Variants in TJP3 observed in about 807,000 individuals in gnomAD.
The protein encoded by TJP3 is tight junction protein ZO-3.
In TJP3, 85 loss-of-function variants were observed where a neutral mutation model predicts 104.2. The observed-to-expected ratio is 0.82, with a 90% CI of 0.68 to 0.98. The LOEUF is 0.98. Ranked by LOEUF, TJP3 falls within the 50% of genes least tolerant of loss-of-function variation. The pLI is 0.00. For missense variants in TJP3, 1,367 were observed against 1,322.8 expected (o/e 1.03, Z -0.52); for synonymous variants, 550 against 550.6 (o/e 1.00, Z 0.02).
Position 3,748,008 on chromosome 19 carries a change from C to T in TJP3, c.2537C>T (p.Ser846Leu), listed in dbSNP as rs747055951. 9.3e-6 allele frequency: 15 copies of T among 1,608,218 alleles called. No individual in the cohort carries two copies. The highest frequency in any genetic ancestry group is 1.3e-5 in the African/African-American group (1 of 74,840). ...CCGGCTCCAGCCCTGGCCCGGTCCT[C>T]GGAGCCCGTGCAGGCAGATGAGTCC... ...EPPAPALARS[S>L]EPVQADESQS... The change falls in exon 19 of 21, where the codon TCG (serine) becomes TTG (leucine). Residue 846 changes from serine (S) to leucine (L), a missense_variant. Transcript: ENST00000541714.
chr19:3,728,005 C>T (rs928022000), intron 1 of TJP3, among the ~76,000 whole-genome samples: 4 of 151,734 alleles, frequency 2.6e-5, no homozygotes, highest in Non-Finnish European at 4.4e-5. Flanking sequence ...TTTGGGAGGC[C>T]GAGGTGGGTG....
intron 1 of TJP3, among the ~76,000 whole-genome samples, chr19:3,722,209 T>C (rs1444509819): frequency 6.6e-6 from 1 of 152,186 alleles, no homozygotes; most frequent in Non-Finnish European, 1.5e-5. Flanking sequence ...CTGTCCACTA[T>C]GCTGTGTGTA....
chr19:3,725,047 G>A (rs2036583122), intron 1 of TJP3, among the ~76,000 whole-genome samples: 1 of 152,104 alleles, frequency 6.6e-6, no homozygotes, highest in African/African-American at 2.4e-5. Context: ...GATCGCTTGG[G>A]CCCAGGAATT....
chr19:3,745,245 A>C (rs2036871311), intron 15 of TJP3, among the ~76,000 whole-genome samples: 1 of 143,176 alleles, frequency 7.0e-6, no homozygotes, highest in African/African-American at 2.6e-5. Context: ...TCCCAGGTTC[A>C]AGTGATCCTC....
rs184905708 is a variant in TJP3, at chr19:3,740,915, A to C, written c.1843+152A>C. The stretch of plus-strand genomic sequence containing the variant: ...CAACACTTTGGGAGGCCGAGGTAGG[A>C]GGATCGCTGAGGCCAGGAGTTCCAG... On this transcript the variant is annotated intron_variant, in intron 14 of 20. Coordinates refer to ENST00000541714, the MANE Select transcript of TJP3 (RefSeq NM_001267560.2). 4.9e-6 allele frequency: 3 copies of C among 607,010 alleles called. No individual in the cohort carries two copies. In the African/African-American group the frequency reaches 5.7e-5, roughly 12 times the overall value. The allele number at this position is 607,010 out of a possible 1,614,324, so 37.6% of individuals were successfully genotyped here. A position where few individuals can be genotyped will look rare whatever the true frequency, so the allele number is the denominator to read the frequency against.
intron 19 of TJP3, chr19:3,749,704 CAT>C (rs1161749285): frequency 5.4e-6 from 1 of 186,804 alleles, no homozygotes; most frequent in African/African-American, 2.4e-5. Flanking sequence ...TATGCCTCAG[CAT>C]CTTCTTCCAC....
At chr19:3,731,175 C>G (rs1418743267) in intron 5 of TJP3, among the ~76,000 whole-genome samples, 1 of 152,210 alleles carries the variant, frequency 6.6e-6, no homozygotes, top group African/African-American at 2.4e-5. Context: ...ACTTGGGGCC[C>G]AGAACCATTT....
intron 1 of TJP3, among the ~76,000 whole-genome samples, chr19:3,718,249 G>GTC (rs2047430222): frequency 1.2e-5 from 1 of 82,610 alleles, no homozygotes; most frequent in Non-Finnish European, 2.1e-5. Flanking sequence ...GTGTGTGTGT[G>GTC]TGTGTGTCTG....
At chr19:3,716,604 C>G (rs1004875233) in intron 1 of TJP3, among the ~76,000 whole-genome samples, 1 of 146,696 alleles carries the variant, frequency 6.8e-6, no homozygotes, top group Non-Finnish European at 1.5e-5. Flanking sequence ...GCCCCATTCA[C>G]TGCTAGGACT....
chr19:3,738,363 GC>G, intron 11 of TJP3, among the ~76,000 whole-genome samples, 191 bp from the exon 12 acceptor site: 1 of 152,162 alleles, frequency 6.6e-6, no homozygotes, highest in Non-Finnish European at 1.5e-5. Context: ...AATGCCACCA[GC>G]TGTCTGTGTC....
rs1568390520 is a variant in TJP3, at chr19:3,750,595, G to GAA, written c.2672_2673dup (p.Ala892LysfsTer3). On this transcript the variant is annotated frameshift_variant, in exon 21 of 21. Transcript: ENST00000541714. LOFTEE classifies it high-confidence loss of function. ...CCTGATCCCCAGAACCTATGAACGGGAAGCCCTGAAGAAAAAGTTTATGCG... is the reference window on the plus strand; with the variant it reads ...CCTGATCCCCAGAACCTATGAACGGGAAAAGCCCTGAAGAAAAAGTTTATGCG... 1 of 1,606,548 alleles carries GAA rather than the reference G, an allele frequency of 6.2e-7. No homozygotes were observed. The highest frequency in any genetic ancestry group is 1.1e-5 in the South Asian group (1 of 89,648).
intron 1 of TJP3, among the ~76,000 whole-genome samples, chr19:3,713,553 T>C (rs374733307): frequency 6.6e-5 from 10 of 152,286 alleles, no homozygotes; most frequent in African/African-American, 1.7e-4. Context: ...GAGACGTGAA[T>C]AAAGTGTGGA....
At chr19:3,714,193 C>T (rs766999774) in intron 1 of TJP3, among the ~76,000 whole-genome samples, 1 of 151,922 alleles carries the variant, frequency 6.6e-6, no homozygotes, top group Non-Finnish European at 1.5e-5. Flanking sequence ...GGGATTACAG[C>T]AGCCCGCCGC....
chr19:3,725,495 C>T (rs879523530), intron 1 of TJP3, among the ~76,000 whole-genome samples: 9 of 152,026 alleles, frequency 5.9e-5, no homozygotes, highest in African/African-American at 1.2e-4. Context: ...AGGTTCAAGA[C>T]AGCCTGACCA....
At chr19:3,711,188 CATGCCCG>C (rs2036430945) in intron 1 of TJP3, among the ~76,000 whole-genome samples, 3 of 55,600 alleles carry the variant, frequency 5.4e-5, no homozygotes, top group African/African-American at 1.2e-4. Context: ...CGTGAGCCAC[CATGCCCG>C]GCCTTATTTT....
At chr19:3,732,247 C>T (rs997502552) in intron 6 of TJP3, among the ~76,000 whole-genome samples, 3 of 152,082 alleles carry the variant, frequency 2.0e-5, no homozygotes, top group Non-Finnish European at 4.4e-5. Context: ...ATGTCGGTTT[C>T]TAGTATCCCC....
At chr19:3,723,648 C>T (rs1163804745) in intron 1 of TJP3, among the ~76,000 whole-genome samples, 7 of 151,124 alleles carry the variant, frequency 4.6e-5, no homozygotes, top group Admixed American at 1.3e-4. Context: ...AAAAATTAGC[C>T]GGGCGTGGTG....
rs766206274 is a variant in TJP3 at position 3,732,033 on chromosome 19, C to T, written c.712C>T (p.Leu238=). 1.2e-6 allele frequency: 2 copies of T among 1,612,100 alleles called. No homozygotes were observed. The highest frequency in any genetic ancestry group is 1.1e-5 in the South Asian group (1 of 90,762). Residue 238 remains leucine, a synonymous_variant, in exon 6 of 21, where the codon CTA becomes TTA. Coordinates refer to ENST00000541714, the MANE Select transcript of TJP3 (RefSeq NM_001267560.2). ...TGGGCTGCAGGAAGGAGATCTCATT[C>T]TACAGGTGAGGCCGGGCTTCTTGTC... is the stretch of plus-strand genomic sequence containing the variant. The part of the protein sequence containing the change: ...HRGLQEGDLI[L]QINGVSSQNL...
chr19:3,734,622 T>G (rs139661740), intron 8 of TJP3, among the ~76,000 whole-genome samples, 187 bp downstream of exon 8: 101 of 152,348 alleles, frequency 6.6e-4, no homozygotes, highest in Middle Eastern at 6.8e-3. Context: ...TCCGCATTTG[T>G]AGGTGTTGGT....
Sources: gnomAD v4.1 joint callset for allele counts (sites outside exome capture counted in the v4.1 genomes callset) on GRCh38, gnomAD v4.1.1 for gene constraint, MANE v1.5 for transcripts, NCBI Gene and HGNC (gene_info 2026-07-23, HGNC 2026-07-21) for gene names.